CALB2: variants seen among roughly 807,000 people sequenced by gnomAD.
The protein encoded by CALB2 is calbindin 2.
Under a neutral mutation model 45.9 loss-of-function variants are expected in CALB2, and 34 were observed. The ratio of observed to expected loss-of-function variants is 0.74; its 90% CI spans 0.56 to 0.99. CALB2 has a LOEUF of 0.99. Among genes scored for constraint, CALB2 ranks in the 50% least tolerant of loss-of-function variants. The pLI, the probability that CALB2 is intolerant of heterozygous loss-of-function variation, is 0.00. For synonymous variants in CALB2, 142 were observed against 129.6 expected (o/e 1.10, Z -0.65); for missense variants, 344 against 339.3 (o/e 1.01, Z -0.11).
Position 71,383,881 on chromosome 16 carries a change from GTCC to G in CALB2, c.478-84_478-82del, listed in dbSNP as rs1194140501. 4.8e-6 allele frequency: 7 copies of G among 1,462,124 alleles called. No homozygotes were observed. In the African/African-American group the frequency reaches 9.7e-5, roughly 20 times the overall value. 90.6% of individuals were successfully genotyped at this position (1,462,124 alleles called of 1,614,324 possible). On this transcript the variant is annotated intron_variant, in intron 6 of 10. Transcript: ENST00000302628. ...GAGGAAGCATGAGCACGTGTCACCC[GTCC>G]TCCTTCCCATCCTCTCCAGTAAAAG...
chr16:71,368,229 G>A (rs934095323), intron 1 of CALB2, among the ~76,000 whole-genome samples: 1 of 152,172 alleles, frequency 6.6e-6, no homozygotes, highest in Non-Finnish European at 1.5e-5. Flanking sequence ...CTCAATAAAG[G>A]TTCCTCCAAT....
rs897023745 is a variant in CALB2, at chr16:71,390,230, A to T, written c.*365A>T. ...TCTCGCTCCCCTCTGCCGGTCCCCC[A>T]TGCCACCACCCACCCCAAACTTCCA... is the stretch of plus-strand genomic sequence containing the variant. On this transcript the variant is annotated 3_prime_UTR_variant, in exon 11 of 11. Coordinates refer to ENST00000302628, the MANE Select transcript of CALB2 (RefSeq NM_001740.5). The T allele has an allele frequency of 4.5e-5, 8 of 179,366 alleles. No homozygotes were observed. Among genetic ancestry groups the T allele is most frequent in the Non-Finnish European group, 8.3e-5 (7 of 84,728 alleles). 11.1% of individuals were successfully genotyped at this position (179,366 alleles called of 1,614,324 possible). A position where few individuals can be genotyped will look rare whatever the true frequency, so the allele number is the denominator to read the frequency against.
chr16:71,362,977 C>G (rs1385671365), intron 1 of CALB2, among the ~76,000 whole-genome samples: 2 of 152,114 alleles, frequency 1.3e-5, no homozygotes, highest in East Asian at 1.9e-4. Flanking sequence ...GCCAGGAGTT[C>G]GAGACCAGCT....
At chr16:71,381,011 C>G (rs4788798) in intron 4 of CALB2, among the ~76,000 whole-genome samples, 4 of 152,124 alleles carry the variant, frequency 2.6e-5, no homozygotes, top group Non-Finnish European at 5.9e-5. Flanking sequence ...GGCATCCTGG[C>G]GGGGTGCATG....
rs544024095 is a variant in CALB2, at chr16:71,386,293, G to T, written c.699+645G>T. ...TCTGCTGGCTGTTGTGGGGGATGCT[G>T]CTGTGAGGCCATGACAGTGTTGACG... On this transcript the variant is annotated intron_variant, in intron 10 of 10. Coordinates refer to ENST00000302628, the MANE Select transcript of CALB2 (RefSeq NM_001740.5). Among the ~76,000 whole-genome samples the T allele has an allele frequency of 2.0e-5, 3 of 152,320 alleles. No individual in the cohort carries two copies. In the South Asian group the frequency reaches 6.2e-4, roughly 32 times the overall value.
intron 2 of CALB2, 47 bp downstream of exon 2, chr16:71,372,276 G>A (rs2042360768): frequency 7.2e-7 from 1 of 1,389,644 alleles, no homozygotes; most frequent in Admixed American, 1.8e-5. Flanking sequence ...CCTGACCTAT[G>A]CCTTTGAGCA....
At position 71,360,537 on chromosome 16, in the gene CALB2, C is replaced by T. The variant is rs184663604; in HGVS notation, c.94+1651C>T. On this transcript the variant is annotated intron_variant, in intron 1 of 10. Transcript: ENST00000302628. ...TGCACATTCCCTAAGGAGGCTCCTGCCAGTTTATCTGCACCAGACTTGCAT... is the reference window on the plus strand; with the variant it reads ...TGCACATTCCCTAAGGAGGCTCCTGTCAGTTTATCTGCACCAGACTTGCAT... 1.2e-4 allele frequency among the ~76,000 whole-genome samples: 18 copies of T among 152,266 alleles called. No homozygotes were observed. The East Asian group carries it at 2.5e-3, about 21-fold the overall frequency.
chr16:71,360,272 A>C (rs1359469455), intron 1 of CALB2, among the ~76,000 whole-genome samples: 2 of 152,156 alleles, frequency 1.3e-5, no homozygotes, highest in Admixed American at 1.3e-4. Context: ...CTAATGGGTG[A>C]AATTTTGTTT....
chr16:71,388,334 C>CAAAA (rs71153632), intron 10 of CALB2, among the ~76,000 whole-genome samples: 8 of 103,394 alleles, frequency 7.7e-5, no homozygotes, highest in Admixed American at 5.2e-4. Context: ...GACCTTATCT[C>CAAAA]AAAAAAAAAA....
intron 1 of CALB2, among the ~76,000 whole-genome samples, chr16:71,365,413 C>T (rs2144954211): frequency 6.6e-6 from 1 of 152,324 alleles, no homozygotes. Flanking sequence ...CAGGCTTCTG[C>T]ACCCCATCCC....
intron 6 of CALB2, 26 bp from the exon 7 acceptor site, chr16:71,383,944 C>T: frequency 1.2e-6 from 2 of 1,613,580 alleles, no homozygotes; most frequent in African/African-American, 2.7e-5. Flanking sequence ...CAGCAAATAA[C>T]CCAGGCACCT....
rs1163907149 is a variant in CALB2 at position 71,383,951 on chromosome 16, A to G, written c.478-19A>G. ...GAAATTCACAGCAAATAACCCAGGC[A>G]CCTTTCTGTCCCCAACAGCTACGGA... On this transcript the variant is annotated intron_variant, in intron 6 of 10. Transcript: ENST00000302628. 6.2e-7 allele frequency: 1 copy of G among 1,613,676 alleles called. No homozygotes were observed. Among genetic ancestry groups the G allele is most frequent in the East Asian group, 2.2e-5 (1 of 44,876 alleles).
At chr16:71,368,953 T>G (rs1347881787) in intron 1 of CALB2, among the ~76,000 whole-genome samples, 3 of 152,114 alleles carry the variant, frequency 2.0e-5, no homozygotes, top group Non-Finnish European at 2.9e-5. Context: ...AAATACTTAT[T>G]CTAAGTTCCA....
At chr16:71,374,619 G>A (rs766822511) in intron 2 of CALB2, 126 bp from the exon 3 acceptor site, 14 of 643,058 alleles carry the variant, frequency 2.2e-5, no homozygotes, top group African/African-American at 3.6e-5. Flanking sequence ...ATCAATCAGA[G>A]CATCAGCACA....
At chr16:71,372,700 C>T (rs35658577) in intron 2 of CALB2, among the ~76,000 whole-genome samples, 61,132 of 151,782 alleles carry the variant, frequency 0.4, 12,567 homozygotes, top group Admixed American at 0.51. Context: ...CTGTAGGAGA[C>T]TAGCAGCATC....
At chr16:71,377,635 T>C (rs1288657011) in intron 3 of CALB2, 32 bp from the exon 4 acceptor site, 4 of 1,527,188 alleles carry the variant, frequency 2.6e-6, no homozygotes, top group Non-Finnish European at 3.6e-6. Flanking sequence ...AGTCCCTCCA[T>C]AACGTTAGTG....
intron 1 of CALB2, among the ~76,000 whole-genome samples, chr16:71,370,670 A>T (rs2042339524): frequency 6.6e-6 from 1 of 152,114 alleles, no homozygotes; most frequent in Non-Finnish European, 1.5e-5. Context: ...GTAGTATGTT[A>T]TGATCACACT....
chr16:71,367,370 G>T (rs953871129), intron 1 of CALB2, among the ~76,000 whole-genome samples: 1 of 152,154 alleles, frequency 6.6e-6, no homozygotes, highest in African/African-American at 2.4e-5. Flanking sequence ...CTGCAAGAGG[G>T]TCATAGAAAC....
chr16:71,374,916 G>A, intron 3 of CALB2, 82 bp downstream of exon 3: 1 of 948,218 alleles, frequency 1.1e-6, no homozygotes, highest in South Asian at 1.4e-5. Flanking sequence ...GCATCCTGCT[G>A]AGGATTGGAG....
Sources: gnomAD v4.1 joint callset for allele counts (sites outside exome capture counted in the v4.1 genomes callset) on GRCh38, gnomAD v4.1.1 for gene constraint, MANE v1.5 for transcripts, NCBI Gene and HGNC (gene_info 2026-07-23, HGNC 2026-07-21) for gene names.